The following IL15RA variants were observed in gnomAD, a reference collection of about 807,000 sequenced individuals.
The protein encoded by IL15RA is interleukin 15 receptor subunit alpha.
Under a neutral mutation model 24.2 loss-of-function variants are expected in IL15RA, and 26 were observed. The observed-to-expected ratio is 1.07, with a 90% CI of 0.79 to 1.49. The LOEUF (loss-of-function observed/expected upper bound fraction) is 1.49. Among genes scored for constraint, IL15RA ranks in the 40% most tolerant of loss-of-function variants. The pLI, the probability that IL15RA is intolerant of heterozygous loss-of-function variation, is 0.00. For missense variants in IL15RA, 354 were observed against 356.4 expected, an observed-to-expected ratio of 0.99 and a Z score of 0.05; for synonymous variants, 166 against 157.6, an observed-to-expected ratio of 1.05 and a Z score of -0.40.
rs540220606 is a variant in IL15RA, at chr10:5,965,275, C to T, written c.283+870G>A. ...CACCTTCCCTCACCCCTGCTGGACACCATGCACAGGTGACTGAGCAAAGGG... is the reference window on the plus strand; with the variant it reads ...CACCTTCCCTCACCCCTGCTGGACATCATGCACAGGTGACTGAGCAAAGGG... On this transcript the variant is annotated intron_variant, in intron 2 of 6. Coordinates refer to ENST00000379977, the MANE Select transcript of IL15RA (RefSeq NM_002189.4). The surrounding 1 kb of genome is among the most constrained non-coding windows in gnomAD (Gnocchi z 5.8). 6.6e-6 allele frequency among the ~76,000 whole-genome samples: 1 copy of T among 152,286 alleles called. No individual in the cohort carries two copies. The highest frequency in any genetic ancestry group is 2.1e-4 in the South Asian group (1 of 4,826).
Position 5,968,894 on chromosome 10 carries a change from C to T in IL15RA, c.89-2555G>A, listed in dbSNP as rs1837082921. The T allele has an allele frequency of 2.2e-6, 3 of 1,393,202 alleles. No individual in the cohort carries two copies. The highest frequency in any genetic ancestry group is 3.9e-5 in the Admixed American group (2 of 50,806). The allele number at this position is 1,393,202 out of a possible 1,614,324, so 86.3% of individuals were successfully genotyped here. A position where few individuals can be genotyped will look rare whatever the true frequency, so the allele number is the denominator to read the frequency against. On this transcript the variant is annotated intron_variant, in intron 1 of 6. Coordinates refer to ENST00000379977, the MANE Select transcript of IL15RA (RefSeq NM_002189.4). This position sits in a 1 kb window ranked among gnomAD's most constrained non-coding sequence, Gnocchi z 5.4. Reference sequence around the variant, plus strand: ...GGTTGAAGCTTTCAGATATTCTGCTCCTTCCCGCCAGGACAGCCAGCCTGT... The same window carrying T: ...GGTTGAAGCTTTCAGATATTCTGCTTCTTCCCGCCAGGACAGCCAGCCTGT...
Position 5,966,537 on chromosome 10 carries a change from C to T in IL15RA, c.89-198G>A, listed in dbSNP as rs527454925. Among the ~76,000 whole-genome samples the T allele has an allele frequency of 1.5e-4, 23 of 152,212 alleles. No individual in the cohort carries two copies. The South Asian group carries it at 4.6e-3, about 30-fold the overall frequency. ...CTTCCTGGAGCCTCGCCTGAAGTGC[C>T]AGTCAGCCAGCAAAACTACAGATGA... On this transcript the variant is annotated intron_variant, in intron 1 of 6. Coordinates refer to ENST00000379977, the MANE Select transcript of IL15RA (RefSeq NM_002189.4). The surrounding 1 kb of genome is among the most constrained non-coding windows in gnomAD (Gnocchi z 6.4).
In IL15RA at chr10:5,958,049, C is replaced by T. The variant is rs1371096248; in HGVS notation, c.617-1595G>A. ...AGATGTTCTTGCACCTATGGATTTT[C>T]AATTAATGGCTGTTTGTAAGATAAC... On this transcript the variant is annotated intron_variant, in intron 5 of 6. Transcript: ENST00000379977. This position sits in a 1 kb window ranked among gnomAD's most constrained non-coding sequence, Gnocchi z 4.3. 6.6e-6 allele frequency among the ~76,000 whole-genome samples: 1 copy of T among 152,172 alleles called. No homozygotes were observed. The highest frequency in any genetic ancestry group is 1.9e-4 in the East Asian group (1 of 5,198).
At chr10:5,956,093 C>A (rs922059675) in intron 6 of IL15RA, among the ~76,000 whole-genome samples, 1 of 152,128 alleles carries the variant, frequency 6.6e-6, no homozygotes, top group South Asian at 2.1e-4. Context: ...TGGCTCACTG[C>A]AACCTCCGCC....
chr10:5,950,408 A>G (rs887526316), downstream of IL15RA, among the ~76,000 whole-genome samples: 6 of 152,140 alleles, frequency 3.9e-5, no homozygotes, highest in African/African-American at 1.4e-4. This position sits in a 1 kb window ranked among gnomAD's most constrained non-coding sequence, Gnocchi z 5.6. Flanking sequence ...ATTTCAACAT[A>G]AAAATAAAAA....
Position 5,966,866 on chromosome 10 carries a change from G to A in IL15RA, c.89-527C>T, listed in dbSNP as rs1836645967. ...AGGCGCCTGTAATCCCAGCTACTGG[G>A]GAGGCTGAGGCAGGAGAATTGCTTG... On this transcript the variant is annotated intron_variant, in intron 1 of 6. Transcript: ENST00000379977. The surrounding 1 kb of genome is among the most constrained non-coding windows in gnomAD (Gnocchi z 6.4). 6.6e-6 allele frequency among the ~76,000 whole-genome samples: 1 copy of A among 152,090 alleles called. No individual in the cohort carries two copies. The highest frequency in any genetic ancestry group is 2.4e-5 in the African/African-American group (1 of 41,430).
In IL15RA at chr10:5,959,363, C is replaced by A. The variant is rs775126475; in HGVS notation, c.616+391G>T. 6.6e-6 allele frequency among the ~76,000 whole-genome samples: 1 copy of A among 152,108 alleles called. No homozygotes were observed. Among genetic ancestry groups the A allele is most frequent in the African/African-American group, 2.4e-5 (1 of 41,514 alleles). On this transcript the variant is annotated intron_variant, in intron 5 of 6. Coordinates refer to ENST00000379977, the MANE Select transcript of IL15RA (RefSeq NM_002189.4). The surrounding 1 kb of genome is among the most constrained non-coding windows in gnomAD (Gnocchi z 4.1). Reference sequence around the variant, plus strand: ...CTTCTCTGTTAAGTGCACGGTGCCACGCCCTGGAGAGGAATTGGCAGCTTC... The same window carrying A: ...CTTCTCTGTTAAGTGCACGGTGCCAAGCCCTGGAGAGGAATTGGCAGCTTC...
rs576659715 is a variant in IL15RA at position 5,973,249 on chromosome 10, T to C, written c.88+4156A>G. Among the ~76,000 whole-genome samples the C allele has an allele frequency of 6.3e-4, 96 of 152,346 alleles. 1 individual carries two copies. The highest frequency in any genetic ancestry group is 2.2e-3 in the African/African-American group (92 of 41,582). ...AAGGAGACTTTGCACCTTAGTGATATTGATTTGTCCAACCCATGAACATGG... is the reference window on the plus strand; with the variant it reads ...AAGGAGACTTTGCACCTTAGTGATACTGATTTGTCCAACCCATGAACATGG... On this transcript the variant is annotated intron_variant, in intron 1 of 6. Coordinates refer to ENST00000379977, the MANE Select transcript of IL15RA (RefSeq NM_002189.4). The surrounding 1 kb of genome is among the most constrained non-coding windows in gnomAD (Gnocchi z 4.5).
rs761229275 is a variant in IL15RA at position 5,965,276 on chromosome 10, C to T, written c.283+869G>A. Among the ~76,000 whole-genome samples, 1 of 152,178 alleles carries T rather than the reference C, an allele frequency of 6.6e-6. No homozygotes were observed. Among genetic ancestry groups the T allele is most frequent in the Non-Finnish European group, 1.5e-5 (1 of 68,030 alleles). ...ACCTTCCCTCACCCCTGCTGGACAC[C>T]ATGCACAGGTGACTGAGCAAAGGGC... On this transcript the variant is annotated intron_variant, in intron 2 of 6. Coordinates refer to ENST00000379977, the MANE Select transcript of IL15RA (RefSeq NM_002189.4). This position sits in a 1 kb window ranked among gnomAD's most constrained non-coding sequence, Gnocchi z 5.8.
At chr10:5,956,275 A>G (rs1589160862) in intron 6 of IL15RA, 104 bp downstream of exon 6, 2 of 883,794 alleles carry the variant, frequency 2.3e-6, no homozygotes, top group Non-Finnish European at 3.7e-6. Context: ...TTGGCCTCCC[A>G]AAGTGCTGGA....
At chr10:5,976,434 C>T (rs1838462378) in intron 1 of IL15RA, among the ~76,000 whole-genome samples, 1 of 152,318 alleles carries the variant, frequency 6.6e-6, no homozygotes, top group South Asian at 2.1e-4. Context: ...TTACTAATTC[C>T]TATAGAGAGT....
At chr10:5,977,735 C>T (rs8177628), upstream of IL15RA, 159,064 of 1,001,478 alleles carry the variant, frequency 0.16, 13,584 homozygotes, top group Non-Finnish European at 0.18. Context: ...CCCCTGTCCC[C>T]GGGACGCATG....
In IL15RA at chr10:5,960,425, G is replaced by A. The variant is rs1055365989; in HGVS notation, c.525C>T (p.Pro175=). Residue 175 remains proline (P), a synonymous_variant, in exon 4 of 7, where the codon CCC becomes CCT. Coordinates refer to ENST00000379977, the MANE Select transcript of IL15RA (RefSeq NM_002189.4). The surrounding 1 kb of genome is among the most constrained non-coding windows in gnomAD (Gnocchi z 5.1). ...CCCAGTTCTTGGCTGTTGTCTGAGA[G>A]GGGGTGCCGTGGGAGGACTCATGAC... ...ISSHESSHGT[P]SQTTAKNWEL... The A allele has an allele frequency of 3.1e-6, 5 of 1,613,678 alleles. No homozygotes were observed. In the African/African-American group the frequency reaches 6.7e-5, roughly 22 times the overall value.
Position 5,968,932 on chromosome 10 carries a change from T to C in IL15RA, c.89-2593A>G. 2 of 1,530,876 alleles carry C rather than the reference T, an allele frequency of 1.3e-6. No homozygotes were observed. Among genetic ancestry groups the C allele is most frequent in the Non-Finnish European group, 1.8e-6 (2 of 1,142,578 alleles). The allele number at this position is 1,530,876 out of a possible 1,614,324, so 94.8% of individuals were successfully genotyped here. On this transcript the variant is annotated intron_variant, in intron 1 of 6. Transcript: ENST00000379977. The surrounding 1 kb of genome is among the most constrained non-coding windows in gnomAD (Gnocchi z 5.4). ...ACAGCCAGCCTGTCTCTTGCATCTG[T>C]AACAGGTTTTGTACAGGAAGTGTTC...
Position 5,966,358 on chromosome 10 carries a change from C to T in IL15RA, c.89-19G>A, listed in dbSNP as rs1836535765. On this transcript the variant is annotated intron_variant, in intron 1 of 6. Coordinates refer to ENST00000379977, the MANE Select transcript of IL15RA (RefSeq NM_002189.4). The surrounding 1 kb of genome is among the most constrained non-coding windows in gnomAD (Gnocchi z 6.4). ...GTGATGCCTGCGAAAGTGCAGAGGA[C>T]AGGGGACGGTGAAGAGGTTTCCACT... 6.3e-7 allele frequency: 1 copy of T among 1,595,068 alleles called. No homozygotes were observed. Among genetic ancestry groups the T allele is most frequent in the Non-Finnish European group, 8.6e-7 (1 of 1,164,354 alleles).
chr10:5,960,274 G>T lies in IL15RA; in HGVS notation c.583+93C>A. 8.6e-7 allele frequency: 1 copy of T among 1,168,180 alleles called. No individual in the cohort carries two copies. Among genetic ancestry groups the T allele is most frequent in the Non-Finnish European group, 1.3e-6 (1 of 786,556 alleles). The allele number at this position is 1,168,180 out of a possible 1,614,324, so 72.4% of individuals were successfully genotyped here. ...GCCCAGTGAATCCTGACTTTGGATTGATGGTATAAAGCTGCCTTGTGCCGG... is the reference window on the plus strand; with the variant it reads ...GCCCAGTGAATCCTGACTTTGGATTTATGGTATAAAGCTGCCTTGTGCCGG... On this transcript the variant is annotated intron_variant, in intron 4 of 6. Coordinates refer to ENST00000379977, the MANE Select transcript of IL15RA (RefSeq NM_002189.4). The surrounding 1 kb of genome is among the most constrained non-coding windows in gnomAD (Gnocchi z 5.1).
rs8177690 is a variant in IL15RA, at chr10:5,964,564, TC to T, written c.284-724del. The stretch of plus-strand genomic sequence containing the variant: ...TGTGAGTGATCAGAACGTGGAAGGA[TC>T]CTTTGGGCTAGGTGAAACCTAAAGA... On this transcript the variant is annotated intron_variant, in intron 2 of 6. Transcript: ENST00000379977. This position sits in a 1 kb window ranked among gnomAD's most constrained non-coding sequence, Gnocchi z 5.6. Among the ~76,000 whole-genome samples, 4,333 of 152,206 alleles carry T rather than the reference TC, an allele frequency of 0.028. 210 individuals are homozygous for T. Among genetic ancestry groups the T allele is most frequent in the African/African-American group, 0.098 (4,072 of 41,500 alleles).
rs552566025 is a variant in IL15RA, at chr10:5,955,769, A to G, written c.692+610T>C. 6.6e-6 allele frequency among the ~76,000 whole-genome samples: 1 copy of G among 152,222 alleles called. No homozygotes were observed. Among genetic ancestry groups the G allele is most frequent in the Non-Finnish European group, 1.5e-5 (1 of 68,040 alleles). ...CCCTATTCAATGAGGACTTTCAAGA[A>G]TATATTCATGAGGGTATCACAAGAA... On this transcript the variant is annotated intron_variant, in intron 6 of 6. Transcript: ENST00000379977. This position sits in a 1 kb window ranked among gnomAD's most constrained non-coding sequence, Gnocchi z 5.3.
intron 6 of IL15RA, among the ~76,000 whole-genome samples, chr10:5,956,036 A>G (rs1395740047): frequency 6.6e-6 from 1 of 151,678 alleles, no homozygotes. Context: ...TTTTTTTGAG[A>G]CAGAGTCTTG....
Sources: allele counts gnomAD v4.1 joint callset (sites outside exome capture counted in the v4.1 genomes callset), GRCh38; gene constraint gnomAD v4.1.1; non-coding constraint Gnocchi (gnomAD v3.1); transcripts MANE v1.5; gene names NCBI Gene and HGNC (gene_info 2026-07-23, HGNC 2026-07-21).